Variants in USP26 observed in about 807,000 individuals in gnomAD.
USP26 encodes ubiquitin carboxyl-terminal hydrolase 26.
For synonymous variants in USP26, 236 were observed against 240.6 expected, an observed-to-expected ratio of 0.98 and a Z score of 0.18; for missense variants, 649 against 642.3, an observed-to-expected ratio of 1.01 and a Z score of -0.11.
intron 1 of USP26, among the ~76,000 whole-genome samples, chrX:133,092,496 G>A (rs2067611305): frequency 1.8e-5 from 2 of 112,136 alleles, no homozygotes; most frequent in East Asian, 2.8e-4. Context: ...ATAATTTCAC[G>A]AATAATTGCA....
At chrX:133,033,767 T>C (rs1252433453) in intron 5 of USP26, among the ~76,000 whole-genome samples, 8 of 112,363 alleles carry the variant, frequency 7.1e-5, no homozygotes, top group Non-Finnish European at 1.5e-4. Context: ...AACCAAAATA[T>C]GTTGATACCT....
chrX:133,085,226 C>T (rs1156535913), intron 4 of USP26, among the ~76,000 whole-genome samples: 6 of 112,233 alleles, frequency 5.3e-5, no homozygotes, highest in South Asian at 7.4e-4. Flanking sequence ...TGAGCCACTG[C>T]GCCTGGCCCA....
At chrX:133,041,900 G>A (rs919208104) in intron 5 of USP26, among the ~76,000 whole-genome samples, 1 of 112,306 alleles carries the variant, frequency 8.9e-6, no homozygotes, top group South Asian at 3.7e-4. Context: ...TCCTCCAAAG[G>A]TGCCCTGCCC....
intron 5 of USP26, among the ~76,000 whole-genome samples, chrX:133,046,950 G>C (rs1285426512): frequency 2.7e-5 from 3 of 111,827 alleles, no homozygotes; most frequent in Non-Finnish European, 3.8e-5. Flanking sequence ...TCAAAGTAAG[G>C]AATGCACAGA....
intron 5 of USP26, among the ~76,000 whole-genome samples, chrX:133,043,036 G>A (rs1320182574): frequency 1.8e-5 from 2 of 111,676 alleles, no homozygotes; most frequent in Non-Finnish European, 3.8e-5. Context: ...GAGTTAGTTT[G>A]GTGTCAATAA....
chrX:133,049,702 T>C (rs966434080), intron 5 of USP26, among the ~76,000 whole-genome samples: 2 of 112,154 alleles, frequency 1.8e-5, no homozygotes, highest in Admixed American at 1.9e-4. Context: ...ACTAATGCAC[T>C]AGAGTGGGTG....
intron 5 of USP26, among the ~76,000 whole-genome samples, chrX:133,082,997 A>C (rs184396908): frequency 2.7e-5 from 3 of 111,603 alleles, no homozygotes; most frequent in Non-Finnish European, 3.8e-5. Flanking sequence ...TATTTATGTC[A>C]TTAAGATGCA....
intron 1 of USP26, among the ~76,000 whole-genome samples, chrX:133,095,814 G>A (rs965173121): frequency 1.8e-5 from 2 of 110,991 alleles, no homozygotes; most frequent in Non-Finnish European, 3.8e-5. Flanking sequence ...GCACAATTTC[G>A]GCTCACTGCA....
chrX:133,093,425 C>T (rs1379810980), intron 1 of USP26, among the ~76,000 whole-genome samples: 3 of 111,115 alleles, frequency 2.7e-5, no homozygotes, highest in Non-Finnish European at 3.8e-5. Flanking sequence ...GTTTATAGCA[C>T]GGAAGAAAAA....
intron 5 of USP26, among the ~76,000 whole-genome samples, chrX:133,070,155 T>C (rs2067526099): frequency 9.0e-6 from 1 of 111,526 alleles, no homozygotes; most frequent in African/African-American, 3.3e-5. Context: ...GACAGAGAAA[T>C]AGCCAGAAGA....
intron 1 of USP26, among the ~76,000 whole-genome samples, chrX:133,093,330 G>A (rs1184575219): frequency 9.0e-6 from 1 of 111,155 alleles, no homozygotes; most frequent in Non-Finnish European, 1.9e-5. Context: ...ATTTTAATCA[G>A]TATCCAGAAA....
rs762304753 is a variant in USP26, at chrX:133,042,156, G to A, written c.-76-13860C>T. Reference sequence around the variant, plus strand: ...TTAGCTTGCTGGGCTCCATGGGACCGGGACCCACTGAGTGAGACCACTTGG... The same window carrying A: ...TTAGCTTGCTGGGCTCCATGGGACCAGGACCCACTGAGTGAGACCACTTGG... On this transcript the variant is annotated intron_variant, in intron 5 of 5. Coordinates refer to ENST00000511190, the MANE Select transcript of USP26 (RefSeq NM_031907.3). Among the ~76,000 whole-genome samples the A allele has an allele frequency of 3.3e-4, 37 of 111,677 alleles. No homozygotes were observed. In the South Asian group the frequency reaches 5.4e-3, roughly 16 times the overall value.
chrX:133,062,489 C>A (rs974686590), intron 5 of USP26, among the ~76,000 whole-genome samples: 1 of 111,144 alleles, frequency 9.0e-6, no homozygotes, highest in Admixed American at 9.4e-5. Context: ...GAGGGGTTAA[C>A]AGACACCTCA....
chrX:133,096,047 A>ATT (rs779131148), intron 1 of USP26, among the ~76,000 whole-genome samples: 8,610 of 36,603 alleles, frequency 0.24, 1,870 homozygotes, highest in Non-Finnish European at 0.27. Context: ...GCCCGGCCTA[A>ATT]TTTTTTTTTT....
chrX:133,073,067 G>A (rs921097906), intron 5 of USP26, among the ~76,000 whole-genome samples: 2 of 111,332 alleles, frequency 1.8e-5, no homozygotes, highest in Admixed American at 9.6e-5. Flanking sequence ...TGCAATAAAC[G>A]GGGGTGATAT....
intron 5 of USP26, among the ~76,000 whole-genome samples, chrX:133,035,836 C>G (rs773898672): frequency 6.3e-4 from 71 of 112,181 alleles, no homozygotes; most frequent in African/African-American, 2.2e-3. Flanking sequence ...CACAGCAGAA[C>G]AGAAATCATC....
chrX:133,078,830 G>GT (rs777537931), intron 5 of USP26, among the ~76,000 whole-genome samples: 2 of 111,746 alleles, frequency 1.8e-5, no homozygotes, highest in African/African-American at 3.2e-5. Context: ...ACTAGTCCAG[G>GT]TAACTCTTGC....
Position 133,025,221 on chromosome X carries a change from T to A in USP26, c.*258A>T. The A allele has an allele frequency of 5.1e-6, 2 of 391,698 alleles. No individual in the cohort carries two copies. Among genetic ancestry groups the A allele is most frequent in the Non-Finnish European group, 8.8e-6 (2 of 227,013 alleles). The allele number at this position is 391,698 out of a possible 1,213,427, so 32.3% of individuals were successfully genotyped here. On this transcript the variant is annotated 3_prime_UTR_variant, in exon 6 of 6. Coordinates refer to ENST00000511190, the MANE Select transcript of USP26 (RefSeq NM_031907.3). Reference sequence around the variant, plus strand: ...ATGACAGAGCAAGACCCTGACTATATTAAAATGAAGAAGAACATGAAAAAC... The same window carrying A: ...ATGACAGAGCAAGACCCTGACTATAATAAAATGAAGAAGAACATGAAAAAC...
chrX:133,036,580 G>A (rs756711954), intron 5 of USP26, among the ~76,000 whole-genome samples: 7 of 111,836 alleles, frequency 6.3e-5, no homozygotes, highest in Admixed American at 1.9e-4. Flanking sequence ...TTCAGTCATC[G>A]AAGGGCATTT....
Sources: gnomAD v4.1 joint callset for allele counts (sites outside exome capture counted in the v4.1 genomes callset) on GRCh38, gnomAD v4.1.1 for gene constraint, MANE v1.5 for transcripts, NCBI Gene and HGNC (gene_info 2026-07-23, HGNC 2026-07-21) for gene names.